HMGCLL1: variants seen among roughly 807,000 people sequenced by gnomAD.
HMGCLL1 encodes the protein 3-hydroxy-3-methylglutaryl-CoA lyase like 1.
HMGCLL1 carries 36 observed loss-of-function variants against 39.1 expected under a neutral mutation model. That is an observed-to-expected ratio of 0.92 (90% CI 0.71 to 1.22). The LOEUF is 1.22. Ranked by LOEUF, HMGCLL1 falls within the 50% of genes most tolerant of loss-of-function variation. HMGCLL1 has a pLI of 0.00. For missense variants in HMGCLL1, 451 were observed against 416.5 expected (o/e 1.08, Z -0.72); for synonymous variants, 149 against 144.0 (o/e 1.03, Z -0.25).
At chr6:55,610,727 T>C in the HMGCLL1 span, among the ~76,000 whole-genome samples, 4 of 152,100 alleles carry the variant, frequency 2.6e-5, no homozygotes, top group African/African-American at 9.7e-5. Flanking sequence ...CTAAGACACA[T>C]AATCATCAGA....
Position 55,499,090 on chromosome 6 carries a change from G to A in HMGCLL1, c.606+146C>T, listed in dbSNP as rs1766734139. 5 of 555,928 alleles carry A rather than the reference G, an allele frequency of 9.0e-6. No homozygotes were observed. The South Asian group carries it at 1.6e-4, about 18-fold the overall frequency. 34.4% of individuals were successfully genotyped at this position (555,928 alleles called of 1,614,324 possible). A position where few individuals can be genotyped will look rare whatever the true frequency, so the allele number is the denominator to read the frequency against. ...CTTCACTGTTAAAATGAAACTATTA[G>A]TTAAGTGATCAAATATGTCTTCAGG... On this transcript the variant is annotated intron_variant, in intron 6 of 8. Transcript: ENST00000274901.
chr6:55,481,876 G>A (rs1380170961), intron 7 of HMGCLL1, among the ~76,000 whole-genome samples: 2 of 151,802 alleles, frequency 1.3e-5, no homozygotes, highest in Non-Finnish European at 2.9e-5. Context: ...ATTAATATTT[G>A]CCATAAGATA....
chr6:55,511,533 G>A (rs563555034), intron 5 of HMGCLL1, among the ~76,000 whole-genome samples: 580 of 2,888 alleles, frequency 0.2, 6 homozygotes, highest in African/African-American at 0.21. Context: ...TTTATAAAAT[G>A]TGTACTGCTA....
chr6:55,511,442 T>C (rs994151185), intron 5 of HMGCLL1, among the ~76,000 whole-genome samples: 3 of 152,072 alleles, frequency 2.0e-5, no homozygotes, highest in Admixed American at 6.6e-5. Flanking sequence ...AACAATAGCC[T>C]TCATAACTGT....
chr6:55,623,127 T>C, the HMGCLL1 span, among the ~76,000 whole-genome samples: 346 of 152,126 alleles, frequency 2.3e-3, no homozygotes, highest in Non-Finnish European at 3.3e-3. Flanking sequence ...TGACTTTGTT[T>C]GATTCCTCCA....
At chr6:55,616,743 A>C in the HMGCLL1 span, among the ~76,000 whole-genome samples, 6 of 152,122 alleles carry the variant, frequency 3.9e-5, no homozygotes, top group Non-Finnish European at 7.4e-5. Context: ...GACTGAGAAC[A>C]AAACAATTTA....
rs369668244 is a variant in HMGCLL1 at position 55,541,795 on chromosome 6, T to C, written c.231A>G (p.Arg77=). 12 of 1,608,978 alleles carry C rather than the reference T, an allele frequency of 7.5e-6. 1 individual carries two copies. The African/African-American group carries it at 1.1e-4, about 14-fold the overall frequency. The part of the protein sequence containing the change: ...PTDIKIEFIN[R]LSQTGLSVIE... Reference sequence around the variant, plus strand: ...TTACAGACAAGCCAGTTTGGGAAAGTCGATTGATAAATTCAATTTTTATAT... The same window carrying C: ...TTACAGACAAGCCAGTTTGGGAAAGCCGATTGATAAATTCAATTTTTATAT... The change falls in exon 3 of 9, where the codon CGA becomes CGG. Residue 77 remains arginine, a synonymous_variant. Coordinates refer to ENST00000274901, the MANE Select transcript of HMGCLL1 (RefSeq NM_001042406.2).
chr6:55,611,297 A>G, the HMGCLL1 span, among the ~76,000 whole-genome samples: 1 of 152,196 alleles, frequency 6.6e-6, no homozygotes, highest in African/African-American at 2.4e-5. Flanking sequence ...GAATGTTCAC[A>G]TTAGAAAGCT....
intron 6 of HMGCLL1, among the ~76,000 whole-genome samples, chr6:55,498,664 A>G (rs1766712255): frequency 6.6e-6 from 1 of 152,164 alleles, no homozygotes; most frequent in African/African-American, 2.4e-5. Context: ...TCATTGGTAT[A>G]AATAAATAAT....
intron 3 of HMGCLL1, among the ~76,000 whole-genome samples, chr6:55,534,250 C>A (rs1768877191): frequency 6.6e-6 from 1 of 151,898 alleles, no homozygotes; most frequent in Non-Finnish European, 1.5e-5. Context: ...AGTTATTAGG[C>A]CAGTTTTAAA....
intron 7 of HMGCLL1, among the ~76,000 whole-genome samples, chr6:55,474,009 A>AT (rs1202929676): frequency 6.6e-6 from 1 of 151,164 alleles, no homozygotes; most frequent in Non-Finnish European, 1.5e-5. Context: ...GATACGGTGT[A>AT]TTTTTTCTCT....
At chr6:55,665,049 TTCAGCACATAC>T in the HMGCLL1 span, among the ~76,000 whole-genome samples, 1 of 151,666 alleles carries the variant, frequency 6.6e-6, no homozygotes, top group Non-Finnish European at 1.5e-5. Flanking sequence ...AGTCAACAGG[TTCAGCACATAC>T]TCAAGGAGGA....
chr6:55,665,524 G>A, the HMGCLL1 span, among the ~76,000 whole-genome samples: 1 of 151,638 alleles, frequency 6.6e-6, no homozygotes. Flanking sequence ...GCTGAAACAA[G>A]TGGTACTCCC....
At chr6:55,501,212 G>A (rs1758189476) in intron 5 of HMGCLL1, among the ~76,000 whole-genome samples, 1 of 151,778 alleles carries the variant, frequency 6.6e-6, no homozygotes, top group Non-Finnish European at 1.5e-5. Flanking sequence ...CTAATGTGAT[G>A]GTTCTCAGCT....
rs552763256 is a variant in HMGCLL1, at chr6:55,562,635, A to C, written c.108+16313T>G. 1.3e-5 allele frequency among the ~76,000 whole-genome samples: 2 copies of C among 152,234 alleles called. 1 individual carries two copies. The highest frequency in any genetic ancestry group is 4.8e-5 in the African/African-American group (2 of 41,552). ...TACTGTCCAAAGCTACTTAAGAAGA[A>C]ATTTAGAAACTTAAAATGGTCACTG... is the stretch of plus-strand genomic sequence containing the variant. On this transcript the variant is annotated intron_variant, in intron 1 of 8. Coordinates refer to ENST00000274901, the MANE Select transcript of HMGCLL1 (RefSeq NM_001042406.2).
chr6:55,519,464 T>C (rs1024605681), intron 3 of HMGCLL1, among the ~76,000 whole-genome samples: 2 of 152,192 alleles, frequency 1.3e-5, no homozygotes, highest in Non-Finnish European at 2.9e-5. Flanking sequence ...TTTGATTGCA[T>C]ATCCATGAAT....
At chr6:55,645,830 T>TTA in the HMGCLL1 span, among the ~76,000 whole-genome samples, 1 of 151,934 alleles carries the variant, frequency 6.6e-6, no homozygotes, top group African/African-American at 2.4e-5. Context: ...GCATCAATAT[T>TTA]TAGAGAGATA....
chr6:55,539,132 G>A lies in HMGCLL1; in HGVS notation c.297+2597C>T, dbSNP rs182378527. ...GGCAGGACATGTAAATAGAGGACAA[G>A]AAACAGTTAATTTAGCAGTAGCTTC... On this transcript the variant is annotated intron_variant, in intron 3 of 8. Transcript: ENST00000274901. Among the ~76,000 whole-genome samples, 342 of 152,242 alleles carry A rather than the reference G, an allele frequency of 2.2e-3. 1 individual carries two copies. The highest frequency in any genetic ancestry group is 3.1e-3 in the Non-Finnish European group (214 of 68,008).
chr6:55,594,956 A>T, the HMGCLL1 span, among the ~76,000 whole-genome samples: 1 of 152,174 alleles, frequency 6.6e-6, no homozygotes, highest in Non-Finnish European at 1.5e-5. Flanking sequence ...AAAAAAATAT[A>T]TTGTGCAGTA....
Sources: gnomAD v4.1 joint callset for allele counts (sites outside exome capture counted in the v4.1 genomes callset) on GRCh38, gnomAD v4.1.1 for gene constraint, MANE v1.5 for transcripts, NCBI Gene and HGNC (gene_info 2026-07-23, HGNC 2026-07-21) for gene names.